The following CNTNAP2 variants were observed in gnomAD, a reference collection of about 807,000 sequenced individuals.
CNTNAP2 encodes the protein contactin associated protein 2, also known as contactin-associated protein-like 2.
CNTNAP2 carries 98 observed loss-of-function variants against 155.2 expected under a neutral mutation model. That is an observed-to-expected ratio of 0.63 (90% confidence interval 0.54 to 0.75). CNTNAP2 has a LOEUF of 0.75. Ranked by LOEUF, CNTNAP2 falls within the 30% of genes least tolerant of loss-of-function variation. The probability of loss-of-function intolerance (pLI) is 0.00; values close to 1 mark genes in which losing one functional copy is unlikely to be tolerated. For missense variants in CNTNAP2, 1,727 were observed against 1,688.1 expected (o/e 1.02, Z -0.40); for synonymous variants, 651 against 631.2 (o/e 1.03, Z -0.47).
chr7:147,820,141 T>C (rs2116620361), intron 13 of CNTNAP2, among the ~76,000 whole-genome samples: 1 of 152,238 alleles, frequency 6.6e-6, no homozygotes, highest in East Asian at 1.9e-4. Flanking sequence ...TAGTTGCTTT[T>C]CCCTTACCAA....
At chr7:146,702,254 T>C (rs1585048773) in intron 1 of CNTNAP2, among the ~76,000 whole-genome samples, 1 of 152,296 alleles carries the variant, frequency 6.6e-6, no homozygotes, top group Non-Finnish European at 1.5e-5. Context: ...AGTTTTATTC[T>C]ATTAAACGGG....
At chr7:147,346,218 A>G (rs1795859188) in intron 9 of CNTNAP2, among the ~76,000 whole-genome samples, 1 of 148,612 alleles carries the variant, frequency 6.7e-6, no homozygotes. Context: ...GCAGTGGCGC[A>G]ATCTCGGCTC....
chr7:147,515,169 C>T (rs1320405783), intron 11 of CNTNAP2, among the ~76,000 whole-genome samples: 1 of 152,092 alleles, frequency 6.6e-6, no homozygotes, highest in Non-Finnish European at 1.5e-5. Flanking sequence ...TTACCTACTG[C>T]ATGGCAAGAT....
intron 11 of CNTNAP2, among the ~76,000 whole-genome samples, chr7:147,546,472 T>C (rs564592329): frequency 2.0e-5 from 3 of 152,266 alleles, no homozygotes; most frequent in South Asian, 4.1e-4. Flanking sequence ...TATAGAACAA[T>C]CTTCTGGAAA....
At chr7:146,671,645 T>A (rs2129168164) in intron 1 of CNTNAP2, among the ~76,000 whole-genome samples, 1 of 152,218 alleles carries the variant, frequency 6.6e-6, no homozygotes, top group East Asian at 1.9e-4. Flanking sequence ...AATTTTGTGA[T>A]AAATAAGTTA....
At chr7:146,764,949 C>T (rs1802169222) in intron 1 of CNTNAP2, among the ~76,000 whole-genome samples, 1 of 151,914 alleles carries the variant, frequency 6.6e-6, no homozygotes, top group African/African-American at 2.4e-5. Context: ...ATGGTGTGCC[C>T]TACATTCTGC....
intron 13 of CNTNAP2, among the ~76,000 whole-genome samples, chr7:147,718,113 A>G (rs1796509086): frequency 6.6e-6 from 1 of 152,158 alleles, no homozygotes; most frequent in African/African-American, 2.4e-5. Flanking sequence ...TGTTAACGTC[A>G]GCATGATTAA....
intron 1 of CNTNAP2, among the ~76,000 whole-genome samples, chr7:146,201,081 A>G (rs1233375629): frequency 1.3e-5 from 2 of 152,100 alleles, no homozygotes; most frequent in African/African-American, 4.8e-5. Flanking sequence ...GCAAAATGAG[A>G]TTTTCCATAT....
intron 1 of CNTNAP2, among the ~76,000 whole-genome samples, chr7:146,412,374 ATTC>A (rs1355293567): frequency 1.3e-5 from 2 of 152,200 alleles, no homozygotes; most frequent in Non-Finnish European, 2.9e-5. Context: ...GTGCTTTGTT[ATTC>A]TTCTTATTAA....
chr7:147,093,376 TCTG>T (rs1390291879), intron 4 of CNTNAP2, among the ~76,000 whole-genome samples: 1 of 152,140 alleles, frequency 6.6e-6, no homozygotes, highest in Non-Finnish European at 1.5e-5. Context: ...TTTATTATAT[TCTG>T]CTGACATATA....
intron 3 of CNTNAP2, among the ~76,000 whole-genome samples, chr7:146,931,751 G>A (rs1028069410): frequency 2.7e-5 from 4 of 148,474 alleles, no homozygotes; most frequent in South Asian, 4.3e-4. Flanking sequence ...ATGATAAAGG[G>A]GATATCACCA....
chr7:147,391,210 A>G (rs1178845684), intron 9 of CNTNAP2, among the ~76,000 whole-genome samples: 1 of 152,188 alleles, frequency 6.6e-6, no homozygotes, highest in East Asian at 1.9e-4. Context: ...AAAATAAGAG[A>G]GACAAGTCAC....
intron 21 of CNTNAP2, among the ~76,000 whole-genome samples, chr7:148,340,233 C>G (rs1798204636): frequency 6.6e-6 from 1 of 152,116 alleles, no homozygotes; most frequent in South Asian, 2.1e-4. Context: ...AGTAGACACA[C>G]CCCAAAAGTA....
At chr7:147,821,088 G>C (rs572039043) in intron 13 of CNTNAP2, among the ~76,000 whole-genome samples, 31 of 152,192 alleles carry the variant, frequency 2.0e-4, no homozygotes, top group African/African-American at 7.2e-4. Context: ...TGATACTAAA[G>C]ACATAGTTAC....
At chr7:147,214,961 G>C (rs1803233858) in intron 8 of CNTNAP2, among the ~76,000 whole-genome samples, 1 of 152,126 alleles carries the variant, frequency 6.6e-6, no homozygotes, top group South Asian at 2.1e-4. Context: ...GAGACAGAGA[G>C]AGCGAGCAAA....
chr7:146,301,671 G>A (rs1048258869), intron 1 of CNTNAP2, among the ~76,000 whole-genome samples: 3 of 151,952 alleles, frequency 2.0e-5, no homozygotes, highest in African/African-American at 7.3e-5. Flanking sequence ...GATATACATG[G>A]TATCATTTCA....
intron 8 of CNTNAP2, among the ~76,000 whole-genome samples, chr7:147,158,856 G>C (rs1339203775): frequency 6.6e-6 from 1 of 152,038 alleles, no homozygotes; most frequent in Non-Finnish European, 1.5e-5. Context: ...TGAGCAGAAA[G>C]AATTTATTCT....
chr7:147,970,497 C>T (rs538397259), intron 14 of CNTNAP2, among the ~76,000 whole-genome samples: 4 of 152,110 alleles, frequency 2.6e-5, no homozygotes, highest in East Asian at 1.9e-4. Flanking sequence ...GGTCAAGGTG[C>T]GCAGATCACT....
intron 1 of CNTNAP2, among the ~76,000 whole-genome samples, chr7:146,207,634 T>C (rs7787146): frequency 0.91 from 128,957 of 141,980 alleles, 58,894 homozygotes; most frequent in Admixed American, 0.95. Context: ...AGAACAGGAC[T>C]GTGTTTTTTT....
Sources: gnomAD v4.1 joint callset for allele counts (sites outside exome capture counted in the v4.1 genomes callset) on GRCh38, gnomAD v4.1.1 for gene constraint, MANE v1.5 for transcripts, NCBI Gene and HGNC (gene_info 2026-07-23, HGNC 2026-07-21) for gene names.